PCBP3: variants seen among roughly 807,000 people sequenced by gnomAD.
PCBP3 encodes poly(rC) binding protein 3, also known as poly(rC)-binding protein 3.
PCBP3 carries 25 observed loss-of-function variants against 52.7 expected under a neutral mutation model. The observed-to-expected ratio is 0.47, with a 90% confidence interval of 0.35 to 0.66. The LOEUF (loss-of-function observed/expected upper bound fraction) is 0.66, where lower values mean the gene tolerates loss of function less well. Ranked by LOEUF, PCBP3 falls within the 30% of genes least tolerant of loss-of-function variation. The probability of loss-of-function intolerance (pLI) is 0.01; values close to 1 mark genes in which losing one functional copy is unlikely to be tolerated. For missense variants in PCBP3, 391 were observed against 490.3 expected (o/e 0.80, Z 1.91); for synonymous variants, 162 against 183.0 (o/e 0.89, Z 0.93).
chr21:45,791,869 GA>G lies in PCBP3; in HGVS notation c.-126+36420del, dbSNP rs1178672816. On this transcript the variant is annotated intron_variant, in intron 4 of 17. Transcript: ENST00000681687. This position sits in a 1 kb window ranked among gnomAD's most constrained non-coding sequence, Gnocchi z 4.2. ...AACTATGTAGTTAGGTCCTGCTCCTGAAAGCAAGGATGCAGTTCATTTCCAG... is the reference window on the plus strand; with the variant it reads ...AACTATGTAGTTAGGTCCTGCTCCTGAAGCAAGGATGCAGTTCATTTCCAG... Among the ~76,000 whole-genome samples the G allele has an allele frequency of 6.6e-6, 1 of 152,246 alleles. No homozygotes were observed. The highest frequency in any genetic ancestry group is 2.4e-5 in the African/African-American group (1 of 41,472).
At chr21:45,671,448 A>G (rs1360508493) in intron 2 of PCBP3, among the ~76,000 whole-genome samples, 1 of 152,234 alleles carries the variant, frequency 6.6e-6, no homozygotes, top group African/African-American at 2.4e-5. Context: ...GCCAATTGCA[A>G]TTTTTAAAAC....
In PCBP3 at chr21:45,879,537, T is replaced by C. The variant is rs79336907; in HGVS notation, c.11-16671T>C. 6.8e-3 allele frequency among the ~76,000 whole-genome samples: 1,036 copies of C among 152,290 alleles called. 11 individuals carry two copies. The highest frequency in any genetic ancestry group is 0.023 in the African/African-American group (974 of 41,560). ...ACGTGGTTTTTATGTGCACATGGGA[T>C]GTTCCCCAAGGCAGGTCATATTCCA... On this transcript the variant is annotated intron_variant, in intron 5 of 17. Coordinates refer to ENST00000681687, the MANE Select transcript of PCBP3 (RefSeq NM_001384156.1).
rs184927049 is a variant in PCBP3 at position 45,840,620 on chromosome 21, C to T, written c.-125-9341C>T. On this transcript the variant is annotated intron_variant, in intron 4 of 17. Transcript: ENST00000681687. ...TTTACTCACCACTCACTCATGGACT[C>T]ACCAGAGCAACTTCCAGTCCTGTGA... is the stretch of plus-strand genomic sequence containing the variant. Among the ~76,000 whole-genome samples, 38 of 152,272 alleles carry T rather than the reference C, an allele frequency of 2.5e-4. No individual in the cohort carries two copies. The East Asian group carries it at 7.3e-3, about 29-fold the overall frequency.
At chr21:45,908,475 C>T (rs2096260993) in intron 9 of PCBP3, among the ~76,000 whole-genome samples, 1 of 152,222 alleles carries the variant, frequency 6.6e-6, no homozygotes, top group Non-Finnish European at 1.5e-5. Flanking sequence ...ACTGGCCAAG[C>T]CTTGTTTCTA....
intron 2 of PCBP3, among the ~76,000 whole-genome samples, chr21:45,725,136 TGCAAACCAGTG>T (rs1158058676): frequency 6.6e-6 from 1 of 152,174 alleles, no homozygotes; most frequent in African/African-American, 2.4e-5. Context: ...AGGATGTGTT[TGCAAACCAGTG>T]GCAATGCCAG....
intron 2 of PCBP3, among the ~76,000 whole-genome samples, chr21:45,707,516 A>G (rs1449328652): frequency 2.0e-5 from 3 of 152,174 alleles, no homozygotes; most frequent in Admixed American, 6.5e-5. Context: ...ACTCCGTCTC[A>G]AAAATAAATA....
rs202077564 is a variant in PCBP3, at chr21:45,849,209, TTC to T, written c.-125-750_-125-749del. Reference sequence around the variant, plus strand: ...GTTCCAAATATGCCTTTTTTTTTTTTTCTTTTTTGAGACGGAGTCTCACTCAC... The same window carrying T: ...GTTCCAAATATGCCTTTTTTTTTTTTTTTTTTGAGACGGAGTCTCACTCAC... On this transcript the variant is annotated intron_variant, in intron 4 of 17. Coordinates refer to ENST00000681687, the MANE Select transcript of PCBP3 (RefSeq NM_001384156.1). 5.8e-4 allele frequency among the ~76,000 whole-genome samples: 86 copies of T among 149,290 alleles called. 4 individuals are homozygous for T. The highest frequency in any genetic ancestry group is 9.4e-4 in the Non-Finnish European group (63 of 66,998).
intron 4 of PCBP3, among the ~76,000 whole-genome samples, chr21:45,804,308 A>G (rs771907607): frequency 3.9e-5 from 6 of 152,110 alleles, no homozygotes; most frequent in Non-Finnish European, 7.4e-5. Context: ...TTGGTAACTT[A>G]TTATTAATAA....
chr21:45,814,710 GTGA>G (rs2092803209), intron 4 of PCBP3, among the ~76,000 whole-genome samples: 1 of 137,048 alleles, frequency 7.3e-6, no homozygotes, highest in South Asian at 2.6e-4. Context: ...TGAGTGGTGA[GTGA>G]TGAGTGAGTG....
chr21:45,825,996 G>T (rs996614651), intron 4 of PCBP3, among the ~76,000 whole-genome samples: 4 of 152,212 alleles, frequency 2.6e-5, no homozygotes, highest in Non-Finnish European at 5.9e-5. Flanking sequence ...TGAGGGCGGG[G>T]TGCAGTGGCT....
chr21:45,813,140 C>T (rs1232020275), intron 4 of PCBP3, among the ~76,000 whole-genome samples: 1 of 152,150 alleles, frequency 6.6e-6, no homozygotes, highest in Non-Finnish European at 1.5e-5. Context: ...TTCTGGGACT[C>T]CAGTTAAACA....
chr21:45,833,008 C>T (rs1179799299), intron 4 of PCBP3, among the ~76,000 whole-genome samples: 1 of 152,152 alleles, frequency 6.6e-6, no homozygotes, highest in South Asian at 2.1e-4. Context: ...CCAGGTCCCT[C>T]AACACGTGGG....
At chr21:45,650,337 T>C (rs1003772580) in intron 1 of PCBP3, among the ~76,000 whole-genome samples, 1 of 152,164 alleles carries the variant, frequency 6.6e-6, no homozygotes, top group Admixed American at 6.5e-5. Flanking sequence ...AATATGCAAA[T>C]ATTTGGGATT....
intron 4 of PCBP3, among the ~76,000 whole-genome samples, chr21:45,815,598 GATGA>G (rs2092900092): frequency 1.1e-5 from 1 of 91,844 alleles, no homozygotes; most frequent in African/African-American, 4.8e-5. Flanking sequence ...AGTGGTGAGT[GATGA>G]GTGAGTGGTG....
chr21:45,810,031 GA>G (rs909987063), intron 4 of PCBP3, among the ~76,000 whole-genome samples: 2 of 152,098 alleles, frequency 1.3e-5, no homozygotes, highest in African/African-American at 4.8e-5. Context: ...TAGCCTAATA[GA>G]AAAAAGATTT....
chr21:45,889,953 T>C (rs543814929), intron 5 of PCBP3, among the ~76,000 whole-genome samples: 21 of 152,384 alleles, frequency 1.4e-4, no homozygotes, highest in Admixed American at 1.4e-3. Context: ...TGCTCTGTCT[T>C]GGAGCTGACA....
chr21:45,918,883 A>G (rs1024360294), intron 13 of PCBP3: 2 of 153,122 alleles, frequency 1.3e-5, no homozygotes, highest in African/African-American at 4.8e-5. Flanking sequence ...GTGCTGGAGG[A>G]AGAAGTTACT....
chr21:45,935,260 C>A lies in PCBP3; in HGVS notation c.864C>A (p.Asp288Glu), dbSNP rs756981071. The A allele has an allele frequency of 1.2e-6, 2 of 1,611,660 alleles. No individual in the cohort carries two copies. Among genetic ancestry groups the A allele is most frequent in the South Asian group, 2.2e-5 (2 of 90,978 alleles). ...QNLMGQSSGL[D>E]ASPPASTHEL... ...TCCCCTTGGTATACCCAGGTCTGGA[C>A]GCCAGCCCACCGGCCAGCACTCATG... The change falls in exon 16 of 18, where the codon GAC becomes GAA. Residue 288 changes from aspartate (D) to glutamate (E), a missense_variant. Coordinates refer to ENST00000681687, the MANE Select transcript of PCBP3 (RefSeq NM_001384156.1).
chr21:45,688,648 A>C (rs1298382491), intron 2 of PCBP3, among the ~76,000 whole-genome samples: 1 of 152,130 alleles, frequency 6.6e-6, no homozygotes, highest in African/African-American at 2.4e-5. Flanking sequence ...AAAATGAAAA[A>C]CAGTAAAAAG....
Sources: gnomAD v4.1 joint callset for allele counts (sites outside exome capture counted in the v4.1 genomes callset) on GRCh38, gnomAD v4.1.1 for gene constraint, Gnocchi (gnomAD v3.1) non-coding constraint, MANE v1.5 for transcripts, NCBI Gene and HGNC (gene_info 2026-07-23, HGNC 2026-07-21) for gene names.